PDZD7: variants seen among roughly 807,000 people sequenced by gnomAD.
The protein encoded by PDZD7 is PDZ domain containing 7.
PDZD7 carries 72 observed loss-of-function variants against 84.7 expected under a neutral mutation model. That is an observed-to-expected ratio of 0.85 (90% confidence interval 0.70 to 1.03). PDZD7 has a LOEUF of 1.03. PDZD7 is among the 50% of genes least tolerant of loss of function. The pLI is 0.00. For synonymous variants in PDZD7, 594 were observed against 580.7 expected (o/e 1.02, Z -0.33); for missense variants, 1,490 against 1,412.9 (o/e 1.05, Z -0.87).
chr10:101,023,680 G>GC lies in PDZD7; in HGVS notation c.368-71dup, dbSNP rs776325216. The GC allele has an allele frequency of 1.0e-4, 164 of 1,562,508 alleles. 1 individual carries two copies. Among genetic ancestry groups the GC allele is most frequent in the Middle Eastern group, 1.9e-4 (1 of 5,156 alleles). ...GGCTGAGCCTCCCCCATCAGATGGA[G>GC]CTCCCTGGGGTCAAACTGAGCTTCT... is the stretch of plus-strand genomic sequence containing the variant. On this transcript the variant is annotated intron_variant, in intron 3 of 16. Coordinates refer to ENST00000619208, the MANE Select transcript of PDZD7 (RefSeq NM_001195263.2).
At chr10:101,022,596 CTTT>C (rs1315085387) in intron 4 of PDZD7, among the ~76,000 whole-genome samples, 19 of 140,868 alleles carry the variant, frequency 1.3e-4, no homozygotes, top group Admixed American at 2.9e-4. Context: ...AGGACCATTC[CTTT>C]TTTTTTTTTT....
intron 2 of PDZD7, among the ~76,000 whole-genome samples, chr10:101,027,083 T>C (rs1470309374): frequency 6.6e-6 from 1 of 152,198 alleles, no homozygotes; most frequent in East Asian, 1.9e-4. Context: ...TTGCTTCCAC[T>C]CTTGCCGCCT....
At chr10:101,019,542 GCCTCCTCCTCCTCCTCCTCCT>G (rs141118065) in intron 7 of PDZD7, among the ~76,000 whole-genome samples, 32 of 89,310 alleles carry the variant, frequency 3.6e-4, no homozygotes, top group Admixed American at 5.0e-4. Context: ...TTCTGCTTCT[GCCTCCTCCTCCTCCTCCTCCT>G]CCTCCTCCTC....
Position 101,016,532 on chromosome 10 carries a change from A to G in PDZD7, c.1523-105T>C. 6 of 1,245,666 alleles carry G rather than the reference A, an allele frequency of 4.8e-6. No homozygotes were observed. The South Asian group carries it at 8.0e-5, about 17-fold the overall frequency. 77.2% of individuals were successfully genotyped at this position (1,245,666 alleles called of 1,614,324 possible). A position where few individuals can be genotyped will look rare whatever the true frequency, so the allele number is the denominator to read the frequency against. On this transcript the variant is annotated intron_variant, in intron 9 of 16. Transcript: ENST00000619208. ...GGAATGGAGAATTCAGACTGGAAGT[A>G]GGTGGGATAGGGAGGCAAGAGGCCT...
chr10:101,013,623 CTG>C (rs1269474543), intron 11 of PDZD7, among the ~76,000 whole-genome samples: 3 of 152,210 alleles, frequency 2.0e-5, no homozygotes, highest in Non-Finnish European at 2.9e-5. Context: ...TGCAGGGCTG[CTG>C]CACAGGCTGT....
intron 11 of PDZD7, among the ~76,000 whole-genome samples, chr10:101,014,413 G>A (rs1590050292): frequency 6.6e-6 from 1 of 152,160 alleles, no homozygotes; most frequent in African/African-American, 2.4e-5. Context: ...GAGAAGGGAG[G>A]GATGAGGGAA....
In PDZD7 at chr10:101,011,738, C is replaced by T. The variant is rs1306713303; in HGVS notation, c.1957G>A (p.Ala653Thr). The T allele has an allele frequency of 1.3e-6, 2 of 1,547,252 alleles. No homozygotes were observed. The highest frequency in any genetic ancestry group is 2.7e-5 in the African/African-American group (2 of 73,052). Residue 653 changes from alanine to threonine, a missense_variant, in exon 14 of 17, where the codon GCC becomes ACC. Transcript: ENST00000619208. ...CGCTTGGGTGGCGTGTCCTGCCGGG[C>T]TGGTCTCAAAGCAGGAGGCCGGACT... ...RAVRPPALRP[A>T]RQDTPPKRHL...
chr10:101,014,341 G>A (rs1172500647), intron 11 of PDZD7, among the ~76,000 whole-genome samples: 1 of 152,132 alleles, frequency 6.6e-6, no homozygotes, highest in Non-Finnish European at 1.5e-5. Flanking sequence ...CTTGGGTCAG[G>A]TTTGGGTGGT....
chr10:101,011,889 G>A (rs752562503), intron 13 of PDZD7, 36 bp downstream of exon 13: 2 of 1,549,512 alleles, frequency 1.3e-6, no homozygotes, highest in Admixed American at 3.9e-5. Flanking sequence ...CCCCAGCAGG[G>A]CTCAGGACCC....
In PDZD7 at chr10:101,022,326, G is replaced by T; in HGVS notation, c.602C>A (p.Thr201Asn). Residue 201 changes from threonine to asparagine, a missense_variant, in exon 5 of 17, where the codon ACC becomes AAC. By Grantham distance (65) the Thr-to-Asn change is moderately conservative. Coordinates refer to ENST00000619208, the MANE Select transcript of PDZD7 (RefSeq NM_001195263.2). ...GCGCCGGACACCATCTTCTGAGCTG[G>T]TGTCGGAGGGTGTTGAACCGCACTT... Reference protein sequence around the residue: ...VEKCGSTPSDTSSEDGVRRIV... With the variant: ...VEKCGSTPSDNSSEDGVRRIV... 3 of 1,614,200 alleles carry T rather than the reference G, an allele frequency of 1.9e-6. No homozygotes were observed. Among genetic ancestry groups the T allele is most frequent in the Non-Finnish European group, 2.5e-6 (3 of 1,180,046 alleles).
intron 11 of PDZD7, among the ~76,000 whole-genome samples, chr10:101,014,251 G>A (rs1196948454): frequency 1.3e-5 from 2 of 152,114 alleles, no homozygotes; most frequent in African/African-American, 4.8e-5. Flanking sequence ...AGGGCTACAT[G>A]CCCCAGTCAC....
chr10:101,010,236 G>T, intron 15 of PDZD7, 36 bp downstream of exon 15: 1 of 1,491,922 alleles, frequency 6.7e-7, no homozygotes, highest in Non-Finnish European at 9.0e-7. Context: ...AGGCTTCCTA[G>T]TGTCCTCTGC....
rs372148542 is a variant in PDZD7 at position 101,010,766 on chromosome 10, C to A, written c.2123G>T (p.Arg708Leu). ...AGGGGGGATCCCTTTATGGGGGTGG[C>A]GAGGGGCAGAGGCACTTGGGGAGAC... Reference protein sequence around the residue: ...LKVSPSASAPRHPHKGIPPLQ... With the variant: ...LKVSPSASAPLHPHKGIPPLQ... Residue 708 changes from arginine to leucine, a missense_variant, in exon 15 of 17, where the codon CGC (arginine) becomes CTC (leucine). Arg to Leu is a moderately radical substitution (Grantham distance 102). Transcript: ENST00000619208. 6.5e-7 allele frequency: 1 copy of A among 1,535,166 alleles called. No homozygotes were observed. The highest frequency in any genetic ancestry group is 8.7e-7 in the Non-Finnish European group (1 of 1,146,778).
At chr10:101,013,056 G>A (rs934664591) in intron 11 of PDZD7, among the ~76,000 whole-genome samples, 4 of 152,174 alleles carry the variant, frequency 2.6e-5, no homozygotes, top group South Asian at 2.1e-4. Flanking sequence ...ACTTTCTATG[G>A]GCACAGGCAC....
At chr10:101,011,598 C>T in intron 14 of PDZD7, 92 bp downstream of exon 14, 3 of 1,504,668 alleles carry the variant, frequency 2.0e-6, no homozygotes, top group Non-Finnish European at 2.7e-6. Context: ...GCCACAACTG[C>T]CCCTAGTGGG....
In PDZD7 at chr10:101,019,210, G is replaced by C. The variant is rs35038258; in HGVS notation, c.936C>G (p.Asn312Lys). Residue 312 changes from asparagine (N) to lysine (K), a missense_variant, in exon 8 of 17, where the codon AAC (asparagine) becomes AAG (lysine). Coordinates refer to ENST00000619208, the MANE Select transcript of PDZD7 (RefSeq NM_001195263.2). ...CCGGGGACAGCTGCTGCAGCACCCCGTTGCTCACTGCAGGGAGTAGAGAAG... is the reference window on the plus strand; with the variant it reads ...CCGGGGACAGCTGCTGCAGCACCCCCTTGCTCACTGCAGGGAGTAGAGAAG... ...SEYCWLDRLSNGVLQQLSPAS... is the reference protein window; with the variant it reads ...SEYCWLDRLSKGVLQQLSPAS... 2 of 1,535,678 alleles carry C rather than the reference G, an allele frequency of 1.3e-6. No homozygotes were observed. Among genetic ancestry groups the C allele is most frequent in the Admixed American group, 2.0e-5 (1 of 51,008 alleles).
At chr10:101,025,663 T>C (rs1937644073) in intron 2 of PDZD7, among the ~76,000 whole-genome samples, 1 of 151,750 alleles carries the variant, frequency 6.6e-6, no homozygotes, top group Non-Finnish European at 1.5e-5. Flanking sequence ...TTCTCCTGCC[T>C]CAGCCTCCCG....
chr10:101,013,739 G>A (rs1852479115), intron 11 of PDZD7, among the ~76,000 whole-genome samples: 2 of 152,186 alleles, frequency 1.3e-5, no homozygotes, highest in African/African-American at 4.8e-5. Flanking sequence ...AGTTGAATCT[G>A]GGAGGACCTC....
Position 101,010,585 on chromosome 10 carries a change from GC to G in PDZD7, c.2303del (p.Gly768AlafsTer40). The G allele has an allele frequency of 6.6e-7, 1 of 1,514,266 alleles. No individual in the cohort carries two copies. Among genetic ancestry groups the G allele is most frequent in the Non-Finnish European group, 8.8e-7 (1 of 1,132,962 alleles). The allele number at this position is 1,514,266 out of a possible 1,614,324, so 93.8% of individuals were successfully genotyped here. ...REHPPQSQIR[G>X]RAQSRSRSRS... is the part of the protein sequence containing the mutation. ...GGCTGCGGCTACGGCTCTGAGCCCGGCCCCGGATCTGGCTCTGCGGAGGGTG... is the reference window on the plus strand; with the variant it reads ...GGCTGCGGCTACGGCTCTGAGCCCGGCCCGGATCTGGCTCTGCGGAGGGTG... On this transcript the variant is annotated frameshift_variant, in exon 15 of 17. Coordinates refer to ENST00000619208, the MANE Select transcript of PDZD7 (RefSeq NM_001195263.2). LOFTEE classifies it high-confidence loss of function.
Sources: allele counts gnomAD v4.1 joint callset (sites outside exome capture counted in the v4.1 genomes callset), GRCh38; gene constraint gnomAD v4.1.1; transcripts MANE v1.5; gene names NCBI Gene and HGNC (gene_info 2026-07-23, HGNC 2026-07-21).